ENTPD1: variants seen among roughly 807,000 people sequenced by gnomAD.
ENTPD1 encodes the protein ectonucleoside triphosphate diphosphohydrolase 1.
Under a neutral mutation model 57.0 loss-of-function variants are expected in ENTPD1, and 33 were observed. The ratio of observed to expected loss-of-function variants is 0.58; its 90% confidence interval spans 0.44 to 0.77. The LOEUF (loss-of-function observed/expected upper bound fraction) is 0.77, where lower values mean the gene tolerates loss of function less well. ENTPD1 is among the 30% of genes least tolerant of loss of function. The probability of loss-of-function intolerance (pLI) is 0.00; values close to 1 mark genes in which losing one functional copy is unlikely to be tolerated. For synonymous variants in ENTPD1, 202 were observed against 218.8 expected (o/e 0.92, Z 0.68); for missense variants, 501 against 603.4 (o/e 0.83, Z 1.78).
intron 1 of ENTPD1, among the ~76,000 whole-genome samples, chr10:95,757,290 C>T (rs939334064): frequency 1.3e-5 from 2 of 152,202 alleles, no homozygotes; most frequent in Admixed American, 1.3e-4. Flanking sequence ...TCACATGAAC[C>T]TTACAAGTGC....
intron 1 of ENTPD1, among the ~76,000 whole-genome samples, chr10:95,815,628 A>T (rs2098327487): frequency 6.6e-6 from 1 of 152,234 alleles, no homozygotes; most frequent in African/African-American, 2.4e-5. Context: ...CCTTGAAGCC[A>T]GAATGCCCGT....
intron 1 of ENTPD1, among the ~76,000 whole-genome samples, chr10:95,740,801 T>C (rs2097999625): frequency 6.6e-6 from 1 of 152,236 alleles, no homozygotes; most frequent in Non-Finnish European, 1.5e-5. Context: ...GTGGCTTACT[T>C]TCTTAAACCT....
At chr10:95,728,929 G>C (rs1256806437) in intron 1 of ENTPD1, among the ~76,000 whole-genome samples, 1 of 151,958 alleles carries the variant, frequency 6.6e-6, no homozygotes. Flanking sequence ...TTTTATAATA[G>C]AGTTACATAT....
chr10:95,724,161 CAAAAAA>C (rs35316347), intron 1 of ENTPD1, among the ~76,000 whole-genome samples: 2 of 50,350 alleles, frequency 4.0e-5, no homozygotes, highest in African/African-American at 9.0e-5. Flanking sequence ...GACTCTGTCT[CAAAAAA>C]AAAAAAAAAA....
At chr10:95,848,640 T>G (rs1329854407) in intron 7 of ENTPD1, among the ~76,000 whole-genome samples, 2 of 152,192 alleles carry the variant, frequency 1.3e-5, no homozygotes, top group East Asian at 3.8e-4. Flanking sequence ...CATCATATTT[T>G]CTTTCACATG....
chr10:95,867,485 T>A lies in ENTPD1; in HGVS notation c.*1102T>A. On this transcript the variant is annotated 3_prime_UTR_variant, in exon 10 of 10. Coordinates refer to ENST00000371205, the MANE Select transcript of ENTPD1 (RefSeq NM_001776.6). ...AGCCACATCTTATTTTTCCAAGGTT[T>A]AATTTAGTGAGAGGGCAGCATTAGT... The A allele has an allele frequency of 1.0e-6, 1 of 985,488 alleles. No individual in the cohort carries two copies. Among genetic ancestry groups the A allele is most frequent in the Non-Finnish European group, 1.2e-6 (1 of 829,938 alleles). 61.0% of individuals were successfully genotyped at this position (985,488 alleles called of 1,614,324 possible). A position where few individuals can be genotyped will look rare whatever the true frequency, so the allele number is the denominator to read the frequency against.
chr10:95,757,793 T>C (rs905620360), intron 1 of ENTPD1, among the ~76,000 whole-genome samples: 21 of 151,516 alleles, frequency 1.4e-4, no homozygotes, highest in Admixed American at 1.4e-3. Flanking sequence ...TCACCTGAGG[T>C]CAGGAGTTCG....
chr10:95,799,724 A>G (rs984668179), intron 1 of ENTPD1, among the ~76,000 whole-genome samples: 5 of 152,190 alleles, frequency 3.3e-5, no homozygotes, highest in African/African-American at 1.2e-4. Context: ...CTGTCTTCCA[A>G]AATGGTTAAA....
At chr10:95,822,745 T>C (rs1436920372) in intron 1 of ENTPD1, among the ~76,000 whole-genome samples, 1 of 152,240 alleles carries the variant, frequency 6.6e-6, no homozygotes, top group Non-Finnish European at 1.5e-5. Flanking sequence ...TTGCTTACTA[T>C]GTAAGGGTGG....
the ENTPD1 span, among the ~76,000 whole-genome samples, chr10:95,700,191 GAA>G: frequency 3.3e-5 from 5 of 152,160 alleles, no homozygotes; most frequent in African/African-American, 1.2e-4. Context: ...CAGAATAAGA[GAA>G]AGCTCTTGGA....
chr10:95,831,854 A>C (rs1426649740), intron 2 of ENTPD1, among the ~76,000 whole-genome samples: 2 of 152,200 alleles, frequency 1.3e-5, no homozygotes, highest in Admixed American at 6.5e-5. Context: ...CAGGGAATGG[A>C]TTTCATTTGT....
the ENTPD1 span, among the ~76,000 whole-genome samples, chr10:95,701,677 T>C: frequency 1.3e-5 from 2 of 152,186 alleles, no homozygotes; most frequent in Admixed American, 6.5e-5. Context: ...GACCATGTAT[T>C]ATGCCACAAA....
intron 1 of ENTPD1, among the ~76,000 whole-genome samples, chr10:95,775,577 A>G (rs1403032509): frequency 6.6e-6 from 1 of 152,176 alleles, no homozygotes; most frequent in Non-Finnish European, 1.5e-5. Flanking sequence ...TTCTGCCTCT[A>G]TTGAGATAAT....
intron 1 of ENTPD1, among the ~76,000 whole-genome samples, chr10:95,776,477 T>A (rs1053122823): frequency 6.6e-6 from 1 of 152,236 alleles, no homozygotes; most frequent in Admixed American, 6.5e-5. Context: ...CCCACTCTCT[T>A]CTGGCTTGTA....
At chr10:95,764,965 A>C (rs1401411176) in intron 1 of ENTPD1, among the ~76,000 whole-genome samples, 2 of 151,642 alleles carry the variant, frequency 1.3e-5, no homozygotes, top group Non-Finnish European at 2.9e-5. Context: ...CAGGTGATCC[A>C]CCTGCCTCGG....
the ENTPD1 span, among the ~76,000 whole-genome samples, chr10:95,699,194 T>A: frequency 1.3e-5 from 2 of 151,472 alleles, no homozygotes; most frequent in African/African-American, 4.9e-5. Flanking sequence ...AAAAAAAATT[T>A]AAAAAGGACA....
intron 1 of ENTPD1, among the ~76,000 whole-genome samples, chr10:95,805,558 G>T (rs575030367): frequency 6.6e-6 from 1 of 152,098 alleles, no homozygotes; most frequent in Non-Finnish European, 1.5e-5. Flanking sequence ...TATTTTGCCC[G>T]CTAGCTGATG....
At chr10:95,793,962 A>G (rs1437924726) in intron 1 of ENTPD1, among the ~76,000 whole-genome samples, 1 of 152,252 alleles carries the variant, frequency 6.6e-6, no homozygotes, top group African/African-American at 2.4e-5. Flanking sequence ...AATTCATATC[A>G]TTACAAAATT....
intron 1 of ENTPD1, among the ~76,000 whole-genome samples, chr10:95,802,866 G>T (rs1285650918): frequency 6.6e-6 from 1 of 152,086 alleles, no homozygotes; most frequent in Non-Finnish European, 1.5e-5. Context: ...TGGACATTTG[G>T]GTTGGTTCCA....
Sources: allele counts gnomAD v4.1 joint callset (sites outside exome capture counted in the v4.1 genomes callset), GRCh38; gene constraint gnomAD v4.1.1; transcripts MANE v1.5; gene names NCBI Gene and HGNC (gene_info 2026-07-23, HGNC 2026-07-21).